CHMP4C: variants seen among roughly 807,000 people sequenced by gnomAD.
CHMP4C encodes the protein SNF7 homolog associated with Alix 3.
A neutral mutation model predicts 29.0 loss-of-function variants in CHMP4C; 28 were observed. The observed-to-expected ratio is 0.97, with a 90% CI of 0.72 to 1.32. The LOEUF is 1.32. Ranked by LOEUF, CHMP4C falls within the 40% of genes most tolerant of loss-of-function variation. The probability of loss-of-function intolerance (pLI) is 0.00; values close to 1 mark genes in which losing one functional copy is unlikely to be tolerated. For synonymous variants in CHMP4C, 106 were observed against 102.4 expected, an observed-to-expected ratio of 1.04 and a Z score of -0.21; for missense variants, 291 against 281.0, an observed-to-expected ratio of 1.04 and a Z score of -0.25.
chr8:81,739,167 G>A (rs1808729685), intron 1 of CHMP4C, among the ~76,000 whole-genome samples: 1 of 145,278 alleles, frequency 6.9e-6, no homozygotes, highest in Non-Finnish European at 1.5e-5. Context: ...CCTGATCTCG[G>A]CTCACTGCAA....
chr8:81,755,399 A>C lies in CHMP4C; in HGVS notation c.398A>C (p.Gln133Pro). ...CTGAACAAAATAGATGATTTGATGCAAGAGATCACAGAGCAACAGGATATC... is the reference window on the plus strand; with the variant it reads ...CTGAACAAAATAGATGATTTGATGCCAGAGATCACAGAGCAACAGGATATC... ...MDLNKIDDLM[Q>P]EITEQQDIAQ... Residue 133 changes from glutamine to proline, a missense_variant, in exon 3 of 5, where the codon CAA becomes CCA. Physicochemically the swap from Gln to Pro is moderately conservative, Grantham distance 76. Transcript: ENST00000297265. 6.2e-7 allele frequency: 1 copy of C among 1,609,934 alleles called. No individual in the cohort carries two copies. The highest frequency in any genetic ancestry group is 1.1e-5 in the South Asian group (1 of 90,678).
intron 2 of CHMP4C, among the ~76,000 whole-genome samples, chr8:81,753,602 T>C (rs1808936397): frequency 6.6e-6 from 1 of 152,108 alleles, no homozygotes; most frequent in African/African-American, 2.4e-5. Flanking sequence ...CAGAATCACC[T>C]GGAGAATAAA....
At chr8:81,755,591 T>C in intron 3 of CHMP4C, 107 bp downstream of exon 3, 1 of 589,552 alleles carries the variant, frequency 1.7e-6, no homozygotes, top group Non-Finnish European at 3.0e-6. Flanking sequence ...CAAGTGATAT[T>C]TGTAAGAAAG....
At chr8:81,750,341 G>A (rs924810582) in intron 1 of CHMP4C, among the ~76,000 whole-genome samples, 15 of 151,912 alleles carry the variant, frequency 9.9e-5, no homozygotes, top group Non-Finnish European at 1.5e-4. Flanking sequence ...GGCTCACACC[G>A]GCAATCTCAG....
intron 1 of CHMP4C, among the ~76,000 whole-genome samples, chr8:81,733,356 C>A (rs138661246): frequency 2.0e-5 from 3 of 152,086 alleles, no homozygotes; most frequent in Admixed American, 6.5e-5. Flanking sequence ...TCTAGGCCAG[C>A]CTTGCTGACT....
At chr8:81,733,725 T>A (rs1385217414) in intron 1 of CHMP4C, among the ~76,000 whole-genome samples, 1 of 152,164 alleles carries the variant, frequency 6.6e-6, no homozygotes. Flanking sequence ...GTGGCACAGA[T>A]AAAAACTCAG....
At chr8:81,744,793 G>A (rs1186623727) in intron 1 of CHMP4C, among the ~76,000 whole-genome samples, 1 of 152,266 alleles carries the variant, frequency 6.6e-6, no homozygotes, top group East Asian at 1.9e-4. Flanking sequence ...TCTGAGACTG[G>A]AGCCTTATTT....
chr8:81,742,791 GA>G (rs938824961), intron 1 of CHMP4C, among the ~76,000 whole-genome samples: 4 of 151,848 alleles, frequency 2.6e-5, no homozygotes, highest in Non-Finnish European at 5.9e-5. Context: ...ATTAACTGTA[GA>G]AAAAAAATTA....
intron 1 of CHMP4C, among the ~76,000 whole-genome samples, chr8:81,744,710 T>C (rs1357849031): frequency 1.3e-5 from 2 of 152,192 alleles, no homozygotes; most frequent in African/African-American, 4.8e-5. Context: ...ACTGTGCCTA[T>C]AGCATAGTAG....
Position 81,758,516 on chromosome 8 carries a change from T to G in CHMP4C, c.674T>G (p.Ile225Ser). The change falls in exon 5 of 5, where the codon ATC becomes AGC. Residue 225 changes from isoleucine (I) to serine (S), a missense_variant. Coordinates refer to ENST00000297265, the MANE Select transcript of CHMP4C (RefSeq NM_152284.4). ...AGGGCAGAAGAAGAGGATGATGATA[T>G]CAAACAATTGGCAGCTTGGGCTACC... ...SQRAEEEDDDIKQLAAWAT is the reference protein window; with the variant it reads ...SQRAEEEDDDSKQLAAWAT 1.2e-6 allele frequency: 2 copies of G among 1,613,302 alleles called. No individual in the cohort carries two copies. The highest frequency in any genetic ancestry group is 1.7e-6 in the Non-Finnish European group (2 of 1,179,310).
At position 81,732,788 on chromosome 8, in the gene CHMP4C, C is replaced by T. The variant is rs1585938568; in HGVS notation, c.162C>T (p.Ala54=). 6.2e-7 allele frequency: 1 copy of T among 1,612,374 alleles called. No homozygotes were observed. Among genetic ancestry groups the T allele is most frequent in the East Asian group, 2.2e-5 (1 of 44,860 alleles). The change falls in exon 1 of 5, where the codon GCC becomes GCT. Residue 54 remains alanine, a synonymous_variant. Transcript: ENST00000297265. ...ENRIQREIAL[A]KKHGTQNKRA... Reference sequence around the variant, plus strand: ...GAATCCAGAGAGAAATCGCCCTGGCCAAGAAGCACGGCACGCAGAATAAGC... The same window carrying T: ...GAATCCAGAGAGAAATCGCCCTGGCTAAGAAGCACGGCACGCAGAATAAGC...
chr8:81,757,110 C>T (rs1808982348), intron 3 of CHMP4C, among the ~76,000 whole-genome samples: 1 of 152,156 alleles, frequency 6.6e-6, no homozygotes. Flanking sequence ...ATTACTCTCA[C>T]TTTAATATTG....
Position 81,732,531 on chromosome 8 carries a change from C to A in CHMP4C, c.-96C>A. On this transcript the variant is annotated 5_prime_UTR_variant, in exon 1 of 5. Coordinates refer to ENST00000297265, the MANE Select transcript of CHMP4C (RefSeq NM_152284.4). ...GAGGGCCGCCTTTCCGGTCTGGGTC[C>A]CCGAGAGGACTGCCTTGCTCACCTG... The A allele has an allele frequency of 1.1e-6, 1 of 873,804 alleles. No homozygotes were observed. Among genetic ancestry groups the A allele is most frequent in the Non-Finnish European group, 1.7e-6 (1 of 577,466 alleles). The allele number at this position is 873,804 out of a possible 1,614,324, so 54.1% of individuals were successfully genotyped here.
intron 1 of CHMP4C, among the ~76,000 whole-genome samples, chr8:81,745,794 A>T (rs1278096683): frequency 6.6e-6 from 1 of 152,192 alleles, no homozygotes; most frequent in African/African-American, 2.4e-5. Flanking sequence ...ACCACAAAGG[A>T]ATACAGTAGA....
At chr8:81,754,954 G>A (rs981503407) in intron 2 of CHMP4C, among the ~76,000 whole-genome samples, 4 of 152,042 alleles carry the variant, frequency 2.6e-5, no homozygotes, top group Admixed American at 6.6e-5. Flanking sequence ...ACAAAGGGCC[G>A]CTGTCAGATA....
intron 1 of CHMP4C, among the ~76,000 whole-genome samples, chr8:81,751,184 C>T (rs1048372809): frequency 1.3e-5 from 2 of 151,998 alleles, no homozygotes; most frequent in African/African-American, 4.8e-5. Flanking sequence ...AAATATAATA[C>T]TGTAAAGTTT....
At chr8:81,740,764 G>A (rs1047412095) in intron 1 of CHMP4C, among the ~76,000 whole-genome samples, 5 of 152,170 alleles carry the variant, frequency 3.3e-5, no homozygotes, top group African/African-American at 1.2e-4. Flanking sequence ...TGAACTGATA[G>A]CGTGTTACCT....
intron 2 of CHMP4C, among the ~76,000 whole-genome samples, chr8:81,754,680 C>T (rs992665108): frequency 6.6e-6 from 1 of 152,116 alleles, no homozygotes; most frequent in Non-Finnish European, 1.5e-5. Context: ...ATGTAGACAC[C>T]GACATGCTTA....
chr8:81,734,522 G>T (rs778057206), intron 1 of CHMP4C, among the ~76,000 whole-genome samples: 1 of 152,144 alleles, frequency 6.6e-6, no homozygotes, highest in Non-Finnish European at 1.5e-5. Context: ...TAGAGACAGG[G>T]TTTCTCCATG....
Sources: allele counts gnomAD v4.1 joint callset (sites outside exome capture counted in the v4.1 genomes callset), GRCh38; gene constraint gnomAD v4.1.1; transcripts MANE v1.5; gene names NCBI Gene and HGNC (gene_info 2026-07-23, HGNC 2026-07-21).